Variants in PLA2G4A observed in about 807,000 individuals in gnomAD.
PLA2G4A encodes phospholipase A2 group IVA.
Under a neutral mutation model 81.9 loss-of-function variants are expected in PLA2G4A, and 40 were observed. The ratio of observed to expected loss-of-function variants is 0.49; its 90% CI spans 0.38 to 0.64. The LOEUF is 0.64. Ranked by LOEUF, PLA2G4A falls within the 30% of genes least tolerant of loss-of-function variation. The pLI is 0.00. For missense variants in PLA2G4A, 715 were observed against 905.1 expected (o/e 0.79, Z 2.69); for synonymous variants, 302 against 296.9 (o/e 1.02, Z -0.18).
chr1:186,962,486 TTTTATTTATTTATTTA>T (rs10657628), intron 14 of PLA2G4A, among the ~76,000 whole-genome samples: 188 of 136,698 alleles, frequency 1.4e-3, no homozygotes, highest in Middle Eastern at 3.7e-3. Flanking sequence ...AGTTATTTTA[TTTTATTTATTTATTTA>T]TTTATTTATT....
intron 3 of PLA2G4A, among the ~76,000 whole-genome samples, chr1:186,887,012 G>A (rs941180883): frequency 2.6e-5 from 4 of 152,110 alleles, no homozygotes; most frequent in Admixed American, 6.6e-5. Context: ...ATGATTGAAG[G>A]TGCTAAGGTT....
intron 3 of PLA2G4A, among the ~76,000 whole-genome samples, chr1:186,874,761 A>C (rs1249565079): frequency 6.6e-6 from 1 of 152,026 alleles, no homozygotes; most frequent in Non-Finnish European, 1.5e-5. Flanking sequence ...GCTTGGGAAA[A>C]TTTTGAACTC....
chr1:186,862,983 G>A (rs915140457), intron 2 of PLA2G4A, among the ~76,000 whole-genome samples: 1 of 152,148 alleles, frequency 6.6e-6, no homozygotes, highest in South Asian at 2.1e-4. Context: ...CATTGGACTA[G>A]AATCTATATT....
At chr1:186,921,524 G>A (rs1655350425) in intron 7 of PLA2G4A, among the ~76,000 whole-genome samples, 1 of 152,108 alleles carries the variant, frequency 6.6e-6, no homozygotes, top group African/African-American at 2.4e-5. Flanking sequence ...TTCTCTCTCA[G>A]GGGCATTTGG....
intron 3 of PLA2G4A, among the ~76,000 whole-genome samples, chr1:186,879,723 T>G (rs1457639135): frequency 6.6e-6 from 1 of 151,898 alleles, no homozygotes; most frequent in African/African-American, 2.4e-5. Flanking sequence ...TAAGCAAACT[T>G]CTTAGGACTT....
chr1:186,983,372 A>C (rs992671131), intron 17 of PLA2G4A, among the ~76,000 whole-genome samples: 4 of 152,218 alleles, frequency 2.6e-5, no homozygotes, highest in African/African-American at 9.7e-5. Context: ...AACAGTTTTC[A>C]ACTTTGCAAC....
At chr1:186,934,599 T>G (rs1655876688) in intron 8 of PLA2G4A, among the ~76,000 whole-genome samples, 1 of 151,674 alleles carries the variant, frequency 6.6e-6, no homozygotes, top group East Asian at 1.9e-4. Flanking sequence ...CACAGTCTTA[T>G]TTCCATAAAG....
rs1281860338 is a variant in PLA2G4A, at chr1:186,974,491, T to C, written c.1765-3102T>C. On this transcript the variant is annotated intron_variant, in intron 15 of 17. Coordinates refer to ENST00000367466, the MANE Select transcript of PLA2G4A (RefSeq NM_024420.3). ...GCCTGGGCAGCAGAGTGAGACTCTG[T>C]CAAACAAAACACCAAAATGAGCACA... 2.6e-5 allele frequency among the ~76,000 whole-genome samples: 4 copies of C among 152,266 alleles called. No homozygotes were observed. The East Asian group carries it at 7.7e-4, about 29-fold the overall frequency.
chr1:186,984,189 A>T (rs1657818629), intron 17 of PLA2G4A, among the ~76,000 whole-genome samples: 1 of 152,132 alleles, frequency 6.6e-6, no homozygotes, highest in Non-Finnish European at 1.5e-5. Context: ...TCAGGATACA[A>T]GGTGCTCTTG....
intron 2 of PLA2G4A, among the ~76,000 whole-genome samples, chr1:186,860,819 TTA>T (rs1273339546): frequency 9.8e-5 from 15 of 152,292 alleles, no homozygotes; most frequent in African/African-American, 2.9e-4. Context: ...GTCACTGGGT[TTA>T]TGTTTCCGTT....
chr1:186,881,336 G>C (rs575220861), intron 3 of PLA2G4A, among the ~76,000 whole-genome samples: 1 of 152,032 alleles, frequency 6.6e-6, no homozygotes, highest in Non-Finnish European at 1.5e-5. Context: ...TGAGGGAAAG[G>C]CATTCCACAT....
chr1:186,954,441 G>C lies in PLA2G4A; in HGVS notation c.1337-1661G>C, dbSNP rs935718805. Among the ~76,000 whole-genome samples, 4 of 152,080 alleles carry C rather than the reference G, an allele frequency of 2.6e-5. No individual in the cohort carries two copies. The East Asian group carries it at 7.7e-4, about 29-fold the overall frequency. On this transcript the variant is annotated intron_variant, in intron 13 of 17. Coordinates refer to ENST00000367466, the MANE Select transcript of PLA2G4A (RefSeq NM_024420.3). ...ACATCACACACCAGGGCCTGTCAGGGTGTGGGGGGCTGGGGGAGGGATAGC... is the reference window on the plus strand; with the variant it reads ...ACATCACACACCAGGGCCTGTCAGGCTGTGGGGGGCTGGGGGAGGGATAGC...
At chr1:186,889,303 G>T (rs1654050554) in intron 3 of PLA2G4A, among the ~76,000 whole-genome samples, 1 of 152,312 alleles carries the variant, frequency 6.6e-6, no homozygotes, top group South Asian at 2.1e-4. Context: ...ATCCACATCA[G>T]TGTCAGCTAG....
intron 6 of PLA2G4A, among the ~76,000 whole-genome samples, chr1:186,909,804 G>C (rs1654879088): frequency 6.6e-6 from 1 of 151,450 alleles, no homozygotes; most frequent in African/African-American, 2.4e-5. Context: ...TCTTTAAAAA[G>C]TTTTTGGTTA....
At position 186,854,322 on chromosome 1, in the gene PLA2G4A, A is replaced by C; in HGVS notation, c.-33A>C. The C allele has an allele frequency of 7.3e-7, 1 of 1,375,032 alleles. No individual in the cohort carries two copies. The highest frequency in any genetic ancestry group is 1.0e-6 in the Non-Finnish European group (1 of 963,022). The allele number at this position is 1,375,032 out of a possible 1,614,324, so 85.2% of individuals were successfully genotyped here. On this transcript the variant is annotated 5_prime_UTR_variant, in exon 2 of 18. Transcript: ENST00000367466. ...GCTAGAGTGCCAAAGAAGACTTTGAAGTGTGAAAACATTTCCTGTAATTGA... is the reference window on the plus strand; with the variant it reads ...GCTAGAGTGCCAAAGAAGACTTTGACGTGTGAAAACATTTCCTGTAATTGA...
chr1:186,954,726 T>C (rs1341259118), intron 13 of PLA2G4A, among the ~76,000 whole-genome samples: 2 of 152,260 alleles, frequency 1.3e-5, no homozygotes, highest in East Asian at 3.9e-4. Flanking sequence ...CACACAGTTT[T>C]ATAAATGTGT....
rs1462835651 is a variant in PLA2G4A at position 186,911,293 on chromosome 1, G to A, written c.462G>A (p.Glu154=). The A allele has an allele frequency of 6.2e-7, 1 of 1,611,036 alleles. No homozygotes were observed. The highest frequency in any genetic ancestry group is 1.1e-5 in the South Asian group (1 of 91,026). The change falls in exon 7 of 18, where the codon GAG becomes GAA. Residue 154 remains glutamate, a synonymous_variant. Transcript: ENST00000367466. ...TTAGTATGGCTCTGTGTGATCAGGA[G>A]AAGACTTTCAGACAACAGAGAAAAG... ...LRFSMALCDQ[E]KTFRQQRKEH...
chr1:186,889,242 G>GCCTC (rs1654048745), intron 3 of PLA2G4A, among the ~76,000 whole-genome samples: 1 of 152,172 alleles, frequency 6.6e-6, no homozygotes, highest in Non-Finnish European at 1.5e-5. Flanking sequence ...GAGAATGACT[G>GCCTC]GCTTTCCCCT....
In PLA2G4A at chr1:186,846,254, A is replaced by G. The variant is rs147243981; in HGVS notation, c.-69-8032A>G. The stretch of plus-strand genomic sequence containing the variant: ...AAAGAAAGGACGGCTGCCTATTCCT[A>G]ACTGGAATTGGACATGCAGCCACTG... On this transcript the variant is annotated intron_variant, in intron 1 of 17. Transcript: ENST00000367466. Among the ~76,000 whole-genome samples, 968 of 152,316 alleles carry G rather than the reference A, an allele frequency of 6.4e-3. 8 individuals are homozygous for G. The highest frequency in any genetic ancestry group is 0.021 in the African/African-American group (871 of 41,566).
Sources: gnomAD v4.1 joint callset for allele counts (sites outside exome capture counted in the v4.1 genomes callset) on GRCh38, gnomAD v4.1.1 for gene constraint, MANE v1.5 for transcripts, NCBI Gene and HGNC (gene_info 2026-07-23, HGNC 2026-07-21) for gene names.